The following RHOT1 variants were observed in gnomAD, a reference collection of about 807,000 sequenced individuals.
The protein encoded by RHOT1 is mitochondrial Rho GTPase 1.
RHOT1 carries 27 observed loss-of-function variants against 95.3 expected under a neutral mutation model. The ratio of observed to expected loss-of-function variants is 0.28; its 90% CI spans 0.21 to 0.39. The LOEUF is 0.39. Ranked by LOEUF, RHOT1 falls within the 10% of genes least tolerant of loss-of-function variation. RHOT1 has a pLI of 1.00. For missense variants in RHOT1, 578 were observed against 786.7 expected, an observed-to-expected ratio of 0.73 and a Z score of 3.17; for synonymous variants, 227 against 263.5, an observed-to-expected ratio of 0.86 and a Z score of 1.34.
chr17:32,154,790 G>T (rs1258640142), intron 1 of RHOT1, among the ~76,000 whole-genome samples: 2 of 151,894 alleles, frequency 1.3e-5, no homozygotes, highest in Non-Finnish European at 2.9e-5. Context: ...AGCTACTCGG[G>T]AGGATGAGGA....
chr17:32,158,758 G>A (rs553682243), intron 1 of RHOT1, among the ~76,000 whole-genome samples: 14 of 152,088 alleles, frequency 9.2e-5, no homozygotes, highest in African/African-American at 1.4e-4. Context: ...GTGTCCGGCC[G>A]TTTCTTGGTA....
intron 16 of RHOT1, among the ~76,000 whole-genome samples, chr17:32,204,236 A>G (rs1250982798): frequency 2.0e-5 from 3 of 151,850 alleles, no homozygotes; most frequent in African/African-American, 4.8e-5. Flanking sequence ...ATTTTTTTTC[A>G]TCTGGTTTAT....
intron 16 of RHOT1, among the ~76,000 whole-genome samples, 179 bp from the exon 17 acceptor site, chr17:32,206,731 G>A (rs994860180): frequency 1.3e-5 from 2 of 152,048 alleles, no homozygotes; most frequent in African/African-American, 4.8e-5. Context: ...GGGATTACAA[G>A]CGTGAGCCAC....
At chr17:32,179,023 G>C in intron 6 of RHOT1, 1 of 146,696 alleles carries the variant, frequency 6.8e-6, no homozygotes, top group East Asian at 2.1e-4. Context: ...GAGCGCCTCT[G>C]CCTGGCCGCC....
At position 32,224,684 on chromosome 17, in the gene RHOT1, T is replaced by G; in HGVS notation, c.1931T>G (p.Phe644Cys). The change falls in exon 20 of 20, where the codon TTT becomes TGT. Residue 644 changes from phenylalanine (F) to cysteine (C), a missense_variant. Around this residue, in one of 4 missense-constraint regions of RHOT1, gnomAD observed 296 missense variants for 338.5 expected, o/e 0.87. Transcript: ENST00000545287. ...WLRASFGATVFAVLGFAMYKA... is the reference protein window; with the variant it reads ...WLRASFGATVCAVLGFAMYKA... ...CGAGCAAGTTTTGGTGCTACTGTTT[T>G]TGCAGTTTTGGGCTTTGCTATGTAC... The G allele has an allele frequency of 6.2e-7, 1 of 1,613,728 alleles. No homozygotes were observed.
chr17:32,168,196 G>A (rs1030043047), intron 1 of RHOT1, among the ~76,000 whole-genome samples: 6 of 151,886 alleles, frequency 4.0e-5, no homozygotes, highest in African/African-American at 1.5e-4. Flanking sequence ...AGACGTACAA[G>A]GAGATTATTT....
At chr17:32,169,995 C>CA (rs1567672576) in intron 1 of RHOT1, among the ~76,000 whole-genome samples, 1 of 151,532 alleles carries the variant, frequency 6.6e-6, no homozygotes, top group African/African-American at 2.4e-5. Flanking sequence ...CTTGGGCAAT[C>CA]AGAGTGGGAC....
chr17:32,209,443 T>C, intron 18 of RHOT1: 1 of 1,568,724 alleles, frequency 6.4e-7, no homozygotes, highest in Non-Finnish European at 8.8e-7. Flanking sequence ...TAAAAACTGC[T>C]TTGTAAGTTA....
At chr17:32,193,880 G>A (rs1473398652) in intron 10 of RHOT1, 107 bp from the exon 11 acceptor site, 1 of 1,359,202 alleles carries the variant, frequency 7.4e-7, no homozygotes, top group Non-Finnish European at 1.0e-6. Context: ...GCTTTACAAT[G>A]CAAAGCTAGC....
At chr17:32,188,629 G>A (rs748744938) in intron 8 of RHOT1, among the ~76,000 whole-genome samples, 26 of 152,118 alleles carry the variant, frequency 1.7e-4, no homozygotes, top group Non-Finnish European at 2.1e-4. Context: ...AAAGCAAAAT[G>A]TTTTCCTTCC....
chr17:32,205,378 A>G (rs1218511144), intron 16 of RHOT1, among the ~76,000 whole-genome samples: 1 of 152,124 alleles, frequency 6.6e-6, no homozygotes, highest in Non-Finnish European at 1.5e-5. Flanking sequence ...GCATACTTCT[A>G]TTTTTTTAAA....
intron 6 of RHOT1, among the ~76,000 whole-genome samples, chr17:32,177,739 A>G (rs1422706170): frequency 3.6e-5 from 5 of 138,800 alleles, no homozygotes; most frequent in African/African-American, 5.4e-5. Flanking sequence ...TGGGCAACAG[A>G]GCGAGACTCC....
intron 19 of RHOT1, among the ~76,000 whole-genome samples, chr17:32,211,802 AG>A (rs1289120040): frequency 1.3e-5 from 2 of 152,220 alleles, no homozygotes; most frequent in Non-Finnish European, 2.9e-5. Context: ...AAGAACTCAA[AG>A]GAATGTGGAA....
At chr17:32,194,804 G>A (rs886461348) in intron 11 of RHOT1, among the ~76,000 whole-genome samples, 4 of 149,732 alleles carry the variant, frequency 2.7e-5, no homozygotes, top group Non-Finnish European at 5.9e-5. Flanking sequence ...TAAACGACTG[G>A]TCTATTTGTG....
At chr17:32,152,935 C>T (rs2032499282) in intron 1 of RHOT1, among the ~76,000 whole-genome samples, 1 of 152,054 alleles carries the variant, frequency 6.6e-6, no homozygotes, top group African/African-American at 2.4e-5. Context: ...TTCCGAATAC[C>T]TGCATATAGG....
intron 1 of RHOT1, among the ~76,000 whole-genome samples, chr17:32,149,762 T>G (rs73284184): frequency 0.096 from 14,516 of 150,728 alleles, 893 homozygotes; most frequent in East Asian, 0.22. Flanking sequence ...CATATATATA[T>G]AGAGAGAAGA....
chr17:32,154,994 G>A (rs1237137678), intron 1 of RHOT1, among the ~76,000 whole-genome samples: 1 of 151,966 alleles, frequency 6.6e-6, no homozygotes, highest in Admixed American at 6.6e-5. Flanking sequence ...TGAGGCAGGA[G>A]GATCACCTGG....
chr17:32,192,332 CT>C (rs397857197), intron 9 of RHOT1, 33 bp downstream of exon 9: 102,410 of 535,956 alleles, frequency 0.19, 1,489 homozygotes, highest in African/African-American at 0.27. Flanking sequence ...ATTTGCGTAT[CT>C]TTTTTTTTTT....
At chr17:32,168,549 C>T (rs1258368264) in intron 1 of RHOT1, among the ~76,000 whole-genome samples, 1 of 151,536 alleles carries the variant, frequency 6.6e-6, no homozygotes, top group Non-Finnish European at 1.5e-5. Flanking sequence ...GCTGGAATTA[C>T]AGGCATGAGC....
Sources: gnomAD v4.1 joint callset for allele counts (sites outside exome capture counted in the v4.1 genomes callset) on GRCh38, gnomAD v4.1.1 for gene constraint, gnomAD v4.1.1 regional missense constraint, MANE v1.5 for transcripts, NCBI Gene and HGNC (gene_info 2026-07-23, HGNC 2026-07-21) for gene names.